HIPK1: variants seen among roughly 807,000 people sequenced by gnomAD.
The protein encoded by HIPK1 is homeodomain interacting protein kinase 1, also known as homeodomain-interacting protein kinase 1.
Under a neutral mutation model 117.1 loss-of-function variants are expected in HIPK1, and 28 were observed. The observed-to-expected ratio is 0.24, with a 90% CI of 0.18 to 0.33. HIPK1 has a LOEUF of 0.33. HIPK1 is among the 10% of genes least tolerant of loss of function. HIPK1 has a pLI of 1.00. For synonymous variants in HIPK1, 605 were observed against 562.5 expected (o/e 1.08, Z -1.07); for missense variants, 1,122 against 1,475.1 (o/e 0.76, Z 3.92).
intron 1 of HIPK1, among the ~76,000 whole-genome samples, chr1:113,934,246 A>G (rs1227789587): frequency 6.6e-6 from 1 of 152,208 alleles, no homozygotes; most frequent in African/African-American, 2.4e-5. Flanking sequence ...TGTCAGGAAA[A>G]AGGTTACTGA....
At chr1:113,931,920 T>A (rs2101109973) in intron 1 of HIPK1, among the ~76,000 whole-genome samples, 1 of 152,346 alleles carries the variant, frequency 6.6e-6, no homozygotes. Context: ...TTAGGTCTTT[T>A]TAAAAAAAAT....
At chr1:113,970,835 C>G (rs953896264) in intron 14 of HIPK1, among the ~76,000 whole-genome samples, 1 of 152,088 alleles carries the variant, frequency 6.6e-6, no homozygotes, top group African/African-American at 2.4e-5. Context: ...TGTTTGATTC[C>G]TGAGCATCCA....
chr1:113,960,624 T>C (rs1226753969), intron 8 of HIPK1, among the ~76,000 whole-genome samples: 1 of 152,230 alleles, frequency 6.6e-6, no homozygotes, highest in Non-Finnish European at 1.5e-5. Context: ...GTTAGGCATG[T>C]ATCCATGTCC....
chr1:113,944,273 C>G (rs1024087491), intron 2 of HIPK1, among the ~76,000 whole-genome samples: 1 of 132,642 alleles, frequency 7.5e-6, no homozygotes, highest in Non-Finnish European at 1.5e-5. Context: ...CCAGGATTCT[C>G]CTGCCTCAGC....
At chr1:113,960,887 AC>A (rs1382304989) in intron 8 of HIPK1, among the ~76,000 whole-genome samples, 1 of 152,228 alleles carries the variant, frequency 6.6e-6, no homozygotes, top group East Asian at 1.9e-4. Flanking sequence ...AAATTAGAAG[AC>A]TGACTTGCTG....
intron 13 of HIPK1, 92 bp downstream of exon 13, chr1:113,968,740 G>A (rs1672627449): frequency 4.1e-6 from 4 of 968,132 alleles, no homozygotes; most frequent in Non-Finnish European, 4.9e-6. Flanking sequence ...GAAAGGACCG[G>A]TGGGGCATGG....
Position 113,929,352 on chromosome 1 carries a change from C to G in HIPK1, c.-183C>G. ...ATTTTACAGTTGGATCCCGTACCACCGCCAGGCACCTTTAAATCACCGCAG... is the reference window on the plus strand; with the variant it reads ...ATTTTACAGTTGGATCCCGTACCACGGCCAGGCACCTTTAAATCACCGCAG... On this transcript the variant is annotated 5_prime_UTR_variant, in exon 1 of 16. Coordinates refer to ENST00000426820, the MANE Select transcript of HIPK1 (RefSeq NM_198268.3). 1 of 1,289,498 alleles carries G rather than the reference C, an allele frequency of 7.8e-7. No homozygotes were observed. Among genetic ancestry groups the G allele is most frequent in the Non-Finnish European group, 1.0e-6 (1 of 988,866 alleles). 79.9% of individuals were successfully genotyped at this position (1,289,498 alleles called of 1,614,324 possible).
At chr1:113,942,013 G>A (rs966131259) in intron 2 of HIPK1, among the ~76,000 whole-genome samples, 36 of 151,388 alleles carry the variant, frequency 2.4e-4, no homozygotes, top group African/African-American at 8.8e-4. Flanking sequence ...CACCCGTCTC[G>A]GCCTCCCAAA....
intron 5 of HIPK1, 25 bp from the exon 6 acceptor site, chr1:113,956,602 T>C: frequency 6.3e-7 from 1 of 1,587,500 alleles, no homozygotes; most frequent in Non-Finnish European, 8.6e-7. Context: ...AGTGAAGAAG[T>C]ATAATTCTGA....
At chr1:113,943,981 AT>A (rs1164361508) in intron 2 of HIPK1, among the ~76,000 whole-genome samples, 1 of 151,674 alleles carries the variant, frequency 6.6e-6, no homozygotes, top group Non-Finnish European at 1.5e-5. Context: ...TACCTGGCTA[AT>A]TACTATTATT....
rs746731011 is a variant in HIPK1 at position 113,973,385 on chromosome 1, G to C, written c.3506G>C (p.Ser1169Thr). 5 of 1,614,086 alleles carry C rather than the reference G, an allele frequency of 3.1e-6. No homozygotes were observed. The East Asian group carries it at 1.1e-4, about 36-fold the overall frequency. Residue 1169 changes from serine (S) to threonine (T), a missense_variant, in exon 16 of 16, where the codon AGC (serine) becomes ACC (threonine). Physicochemically the swap from Ser to Thr is moderately conservative, Grantham distance 58. Around this residue, in one of 6 missense-constraint regions of HIPK1, gnomAD observed 731 missense variants for 860.4 expected, o/e 0.85. Transcript: ENST00000426820. ...GGGCCCAGCCTCCTCACTTCTGCCA[G>C]CGTGGCCCCTGCTCAGTACCAACAC... The part of the protein sequence containing the change: ...SVGPSLLTSA[S>T]VAPAQYQHQF...
At chr1:113,966,303 G>T (rs1325502704) in intron 11 of HIPK1, 31 bp downstream of exon 11, 1 of 1,597,546 alleles carries the variant, frequency 6.3e-7, no homozygotes, top group Admixed American at 1.7e-5. Flanking sequence ...TGGGAGATTT[G>T]TAAGGGCCGA....
chr1:113,935,980 C>T (rs891046556), intron 1 of HIPK1, among the ~76,000 whole-genome samples: 5 of 152,198 alleles, frequency 3.3e-5, no homozygotes, highest in African/African-American at 1.2e-4. Flanking sequence ...AGAGAATTGC[C>T]TCCCCACTTG....
chr1:113,972,013 G>C (rs376467419), intron 15 of HIPK1, 59 bp downstream of exon 15: 95 of 1,612,626 alleles, frequency 5.9e-5, no homozygotes, highest in Middle Eastern at 1.6e-4. Flanking sequence ...ACTTTCTGGA[G>C]AACCCTGCTT....
At chr1:113,947,728 C>T (rs1179291490) in intron 2 of HIPK1, among the ~76,000 whole-genome samples, 2 of 152,318 alleles carry the variant, frequency 1.3e-5, no homozygotes, top group East Asian at 1.9e-4. Context: ...GTTTCTATCA[C>T]TTAGCTGTAA....
intron 2 of HIPK1, among the ~76,000 whole-genome samples, chr1:113,949,127 C>T (rs1168293407): frequency 2.6e-5 from 4 of 152,184 alleles, no homozygotes; most frequent in African/African-American, 9.7e-5. Context: ...CGTGAGCCAC[C>T]GCGCCTGGCC....
intron 1 of HIPK1, among the ~76,000 whole-genome samples, chr1:113,938,446 C>A (rs1670396143): frequency 6.6e-6 from 1 of 152,016 alleles, no homozygotes; most frequent in African/African-American, 2.4e-5. Context: ...CAATGAGAAA[C>A]CCCGGGAGAA....
chr1:113,968,724 G>C, intron 13 of HIPK1, 76 bp downstream of exon 13: 1 of 1,232,302 alleles, frequency 8.1e-7, no homozygotes, highest in Non-Finnish European at 1.2e-6. Flanking sequence ...AGTTTGGCCT[G>C]TGAAAGAAAG....
Position 113,940,428 on chromosome 1 carries a change from G to C in HIPK1, c.45G>C (p.Ser15=). The C allele has an allele frequency of 6.2e-7, 1 of 1,613,672 alleles. No individual in the cohort carries two copies. Among genetic ancestry groups the C allele is most frequent in the Non-Finnish European group, 8.5e-7 (1 of 1,179,732 alleles). Residue 15 remains serine (S), a synonymous_variant, in exon 2 of 16, where the codon TCG becomes TCC. Coordinates refer to ENST00000426820, the MANE Select transcript of HIPK1 (RefSeq NM_198268.3). The part of the protein sequence containing the change: ...LQVFSPPSVS[S]SAFCSAKKLK... The stretch of plus-strand genomic sequence containing the variant: ...TGTTTTCGCCCCCATCAGTGTCGTC[G>C]AGTGCCTTCTGCAGTGCGAAGAAAC...
Sources: gnomAD v4.1 joint callset for allele counts (sites outside exome capture counted in the v4.1 genomes callset) on GRCh38, gnomAD v4.1.1 for gene constraint, gnomAD v4.1.1 regional missense constraint, MANE v1.5 for transcripts, NCBI Gene and HGNC (gene_info 2026-07-23, HGNC 2026-07-21) for gene names.